KIR3DL3: variants seen among roughly 807,000 people sequenced by gnomAD.
The protein encoded by KIR3DL3 is killer cell immunoglobulin-like receptor 3DL3.
In KIR3DL3, 27 loss-of-function variants were observed where a neutral mutation model predicts 34.9. The ratio of observed to expected loss-of-function variants is 0.77; its 90% CI spans 0.57 to 1.07. The LOEUF is 1.07. Among genes scored for constraint, KIR3DL3 ranks in the 50% least tolerant of loss-of-function variants. The pLI is 0.00. For synonymous variants in KIR3DL3, 217 were observed against 200.2 expected (o/e 1.08, Z -0.71); for missense variants, 681 against 528.5 (o/e 1.29, Z -2.83).
At chr19:54,732,375 C>G (rs1157533872) in intron 5 of KIR3DL3, among the ~76,000 whole-genome samples, 1 of 151,618 alleles carries the variant, frequency 6.6e-6, no homozygotes, top group African/African-American at 2.4e-5. Flanking sequence ...CTCAGCCTAC[C>G]GAGTAGCTGG....
rs1191652976 is a variant in KIR3DL3 at position 54,727,664 on chromosome 19, G to A, written c.409G>A (p.Gly137Arg). The A allele has an allele frequency of 8.7e-6, 14 of 1,611,764 alleles. No homozygotes were observed. Among genetic ancestry groups the A allele is most frequent in the Non-Finnish European group, 1.2e-5 (14 of 1,179,302 alleles). Reference sequence around the variant, plus strand: ...CCACCCAGGTCCCCTGGTGAAATCAGGAGAGACGGTCATCCTGCAATGTTG... The same window carrying A: ...CCACCCAGGTCCCCTGGTGAAATCAAGAGAGACGGTCATCCTGCAATGTTG... Reference protein sequence around the residue: ...LAHPGPLVKSGETVILQCWSD... With the variant: ...LAHPGPLVKSRETVILQCWSD... Residue 137 changes from glycine to arginine, a missense_variant, in exon 4 of 8, where the codon GGA becomes AGA. By Grantham distance (125) the Gly-to-Arg change is moderately radical. Coordinates refer to ENST00000291860, the MANE Select transcript of KIR3DL3 (RefSeq NM_153443.5).
At chr19:54,730,776 T>C (rs2068708952) in intron 5 of KIR3DL3, among the ~76,000 whole-genome samples, 1 of 152,168 alleles carries the variant, frequency 6.6e-6, no homozygotes, top group Admixed American at 6.5e-5. Flanking sequence ...ACTCTTTCTA[T>C]GGATGAGTTG....
At chr19:54,732,798 A>G (rs112596073) in intron 5 of KIR3DL3, among the ~76,000 whole-genome samples, 11,835 of 152,162 alleles carry the variant, frequency 0.078, 830 homozygotes, top group African/African-American at 0.19. Context: ...ATGACAAGAC[A>G]ACTGTAGAGA....
intron 5 of KIR3DL3, among the ~76,000 whole-genome samples, chr19:54,734,346 G>T (rs531587774): frequency 1.5e-4 from 22 of 151,270 alleles, no homozygotes; most frequent in African/African-American, 4.6e-4. Flanking sequence ...ACATTACACA[G>T]GCAGGTTCAT....
intron 3 of KIR3DL3, 66 bp downstream of exon 3, chr19:54,726,403 G>A: frequency 1.9e-6 from 3 of 1,558,114 alleles, no homozygotes; most frequent in Non-Finnish European, 1.7e-6. Context: ...TCTGGTGGGG[G>A]CGTCCATCAG....
Position 54,724,539 on chromosome 19 carries a change from T to G in KIR3DL3, c.34+9T>G, listed in dbSNP as rs1168552366. 7 of 1,610,498 alleles carry G rather than the reference T, an allele frequency of 4.3e-6. No individual in the cohort carries two copies. Among genetic ancestry groups the G allele is most frequent in the Non-Finnish European group, 5.9e-6 (7 of 1,179,216 alleles). On this transcript the variant is annotated intron_variant, in intron 1 of 7. Transcript: ENST00000291860. ...CAGCATGGCGTGTGTTGGTGAGTCC[T>G]GGAAGGGAATCGAGGGAGGGAGCGC...
chr19:54,728,046 C>T (rs2146783795), intron 4 of KIR3DL3, 136 bp downstream of exon 4: 1 of 859,702 alleles, frequency 1.2e-6, no homozygotes. Flanking sequence ...GAGGTCTGTA[C>T]CAACAAAGGC....
At chr19:54,734,395 A>G (rs1424361335) in intron 5 of KIR3DL3, among the ~76,000 whole-genome samples, 1 of 150,642 alleles carries the variant, frequency 6.6e-6, no homozygotes, top group African/African-American at 2.5e-5. Context: ...AGAAACCTAC[A>G]TTTCAATGTG....
chr19:54,733,685 G>A (rs984910004), intron 5 of KIR3DL3, among the ~76,000 whole-genome samples: 1 of 152,142 alleles, frequency 6.6e-6, no homozygotes, highest in African/African-American at 2.4e-5. Flanking sequence ...CTTTCTGTGA[G>A]CTTGGGATCA....
Position 54,726,357 on chromosome 19 carries a change from G to T in KIR3DL3, c.355+20G>T. On this transcript the variant is annotated intron_variant, in intron 3 of 7. Coordinates refer to ENST00000291860, the MANE Select transcript of KIR3DL3 (RefSeq NM_153443.5). Reference sequence around the variant, plus strand: ...TCACAGGTCAGAGGCTTTCTGTCTGGGCTTCTCACTGTCCCACCTCCTGAA... The same window carrying T: ...TCACAGGTCAGAGGCTTTCTGTCTGTGCTTCTCACTGTCCCACCTCCTGAA... The T allele has an allele frequency of 6.2e-7, 1 of 1,607,802 alleles. No homozygotes were observed.
At chr19:54,732,685 G>T (rs1435555342) in intron 5 of KIR3DL3, among the ~76,000 whole-genome samples, 9 of 152,226 alleles carry the variant, frequency 5.9e-5, no homozygotes, top group Non-Finnish European at 1.2e-4. Context: ...ATTGGCGGAA[G>T]GATTTTCCAC....
Position 54,729,679 on chromosome 19 carries a change from C to T in KIR3DL3, c.842C>T (p.Pro281Leu), listed in dbSNP as rs1303821578. ...RVNGTFQANF[P>L]LGPVTHGGNY... is the part of the protein sequence containing the mutation. ...AATGGAACATTCCAGGCCAACTTCC[C>T]TCTGGGCCCTGTGACCCACGGAGGG... Residue 281 changes from proline to leucine, a missense_variant, in exon 5 of 8, where the codon CCT becomes CTT. Transcript: ENST00000291860. The T allele has an allele frequency of 4.4e-6, 7 of 1,600,332 alleles. No individual in the cohort carries two copies. Among genetic ancestry groups the T allele is most frequent in the Non-Finnish European group, 6.0e-6 (7 of 1,176,452 alleles).
rs376880713 is a variant in KIR3DL3 at position 54,736,149 on chromosome 19, G to A, written c.*53G>A. On this transcript the variant is annotated 3_prime_UTR_variant, in exon 8 of 8. Transcript: ENST00000291860. ...ATCCAAAGTTGTCTTCTGTCCACTAGCACCACAGTCAGGCCTTGATGGGAT... is the reference window on the plus strand; with the variant it reads ...ATCCAAAGTTGTCTTCTGTCCACTAACACCACAGTCAGGCCTTGATGGGAT... 47 of 1,599,430 alleles carry A rather than the reference G, an allele frequency of 2.9e-5. No homozygotes were observed. In the East Asian group the frequency reaches 9.8e-4, roughly 33 times the overall value.
chr19:54,727,913 G>A lies in KIR3DL3; in HGVS notation c.655+3G>A. ...CCCTCTGGACATCGTGGTCGTAGGT[G>A]AGAGAATACAGACCTGCCTCTCACC... On this transcript the variant is annotated splice_donor_region_variant and intron_variant, in intron 4 of 7. Transcript: ENST00000291860. The A allele has an allele frequency of 1.2e-6, 2 of 1,604,774 alleles. No individual in the cohort carries two copies. The highest frequency in any genetic ancestry group is 1.7e-6 in the Non-Finnish European group (2 of 1,174,296).
At chr19:54,726,768 A>G (rs1234761581) in intron 3 of KIR3DL3, among the ~76,000 whole-genome samples, 4 of 134,830 alleles carry the variant, frequency 3.0e-5, no homozygotes, top group Non-Finnish European at 6.5e-5. Flanking sequence ...CATGAGCCAC[A>G]AAGGCAGGTG....
intron 6 of KIR3DL3, among the ~76,000 whole-genome samples, 197 bp downstream of exon 6, chr19:54,735,554 G>T (rs11882698): frequency 8.7e-6 from 1 of 115,076 alleles, no homozygotes. Context: ...ATTCTGAACC[G>T]TATCCTCACA....
At chr19:54,735,697 C>T in intron 6 of KIR3DL3, 123 bp from the exon 7 acceptor site, 1 of 1,033,798 alleles carries the variant, frequency 9.7e-7, no homozygotes, top group South Asian at 1.4e-5. Context: ...ATGTCTGAGT[C>T]TGCTGTTGGC....
At position 54,726,342 on chromosome 19, in the gene KIR3DL3, G is replaced by A. The variant is rs2068182610; in HGVS notation, c.355+5G>A. The A allele has an allele frequency of 2.5e-6, 4 of 1,611,930 alleles. No individual in the cohort carries two copies. Among genetic ancestry groups the A allele is most frequent in the African/African-American group, 1.3e-5 (1 of 74,642 alleles). On this transcript the variant is annotated splice_donor_5th_base_variant and intron_variant, in intron 3 of 7. Transcript: ENST00000291860. ...CTGTGGTGATCATGGTCACAGGTCA[G>A]AGGCTTTCTGTCTGGGCTTCTCACT...
At chr19:54,733,279 C>T (rs1218334159) in intron 5 of KIR3DL3, among the ~76,000 whole-genome samples, 1 of 152,064 alleles carries the variant, frequency 6.6e-6, no homozygotes, top group African/African-American at 2.4e-5. Context: ...ACACCTGTAA[C>T]CCAACACTTT....
Sources: gnomAD v4.1 joint callset for allele counts (sites outside exome capture counted in the v4.1 genomes callset) on GRCh38, gnomAD v4.1.1 for gene constraint, MANE v1.5 for transcripts, NCBI Gene and HGNC (gene_info 2026-07-23, HGNC 2026-07-21) for gene names.